The following SPATA13 variants were observed in gnomAD, a reference collection of about 807,000 sequenced individuals.
SPATA13 encodes spermatogenesis-associated protein 13.
In SPATA13, 50 loss-of-function variants were observed where a neutral mutation model predicts 104.0. That is an observed-to-expected ratio of 0.48 (90% CI 0.38 to 0.61). The LOEUF (loss-of-function observed/expected upper bound fraction) is 0.61, where lower values mean the gene tolerates loss of function less well. Ranked by LOEUF, SPATA13 falls within the 20% of genes least tolerant of loss-of-function variation. SPATA13 has a pLI of 0.00. For synonymous variants in SPATA13, 606 were observed against 667.5 expected (o/e 0.91, Z 1.42); for missense variants, 1,524 against 1,690.6 (o/e 0.90, Z 1.73).
chr13:24,157,456 G>A (rs1202774357), upstream of SPATA13, among the ~76,000 whole-genome samples: 8 of 152,164 alleles, frequency 5.3e-5, no homozygotes, highest in East Asian at 9.7e-4. Flanking sequence ...CCGCCACCAC[G>A]CCCGGCTAAT....
At chr13:24,163,557 A>G (rs1435581872) in intron 1 of SPATA13, among the ~76,000 whole-genome samples, 1 of 152,152 alleles carries the variant, frequency 6.6e-6, no homozygotes, top group Non-Finnish European at 1.5e-5. Context: ...TCATTATGTA[A>G]TCTTAAAGCC....
intron 1 of SPATA13, among the ~76,000 whole-genome samples, chr13:24,202,972 T>C (rs1380325208): frequency 2.0e-5 from 3 of 151,738 alleles, no homozygotes; most frequent in Non-Finnish European, 2.9e-5. Flanking sequence ...ATTTTTTTTT[T>C]CCCTCAAGTT....
intron 3 of SPATA13, among the ~76,000 whole-genome samples, chr13:24,046,400 C>A (rs1878145886): frequency 6.6e-6 from 1 of 151,102 alleles, no homozygotes; most frequent in Admixed American, 6.6e-5. Context: ...TTCAAATGAT[C>A]CTCCTATCTC....
At chr13:24,220,934 C>T (rs910583607) in intron 1 of SPATA13, among the ~76,000 whole-genome samples, 10 of 152,324 alleles carry the variant, frequency 6.6e-5, no homozygotes, top group South Asian at 4.1e-4. Context: ...GATAGGGATA[C>T]GCTAAATTGG....
intron 3 of SPATA13, among the ~76,000 whole-genome samples, chr13:24,079,632 A>C (rs980779530): frequency 6.6e-6 from 1 of 152,118 alleles, no homozygotes; most frequent in African/African-American, 2.4e-5. Context: ...TTTCCTGCCA[A>C]GTATGGGGTC....
At chr13:24,056,460 A>T (rs112455758) in intron 3 of SPATA13, among the ~76,000 whole-genome samples, 1 of 152,202 alleles carries the variant, frequency 6.6e-6, no homozygotes, top group African/African-American at 2.4e-5. Flanking sequence ...GATGGATTAG[A>T]TGCTCACCTT....
chr13:24,269,322 A>C (rs1354787551), intron 4 of SPATA13, among the ~76,000 whole-genome samples: 1 of 152,186 alleles, frequency 6.6e-6, no homozygotes, highest in Admixed American at 6.5e-5. Flanking sequence ...ACTATAAAGC[A>C]TGCATTTTAC....
chr13:24,286,535 G>C lies in SPATA13; in HGVS notation c.2481+142G>C. ...AGTCACACCTGTAAGAAATTAGGCTGGGTCGGAGCAAAAATGTTAAAGGCA... is the reference window on the plus strand; with the variant it reads ...AGTCACACCTGTAAGAAATTAGGCTCGGTCGGAGCAAAAATGTTAAAGGCA... On this transcript the variant is annotated intron_variant, in intron 6 of 12. Coordinates refer to ENST00000382108, the MANE Select transcript of SPATA13 (RefSeq NM_001166271.3). The surrounding 1 kb of genome is among the most constrained non-coding windows in gnomAD (Gnocchi z 4.9). 9.8e-7 allele frequency: 1 copy of C among 1,022,516 alleles called. No homozygotes were observed. Among genetic ancestry groups the C allele is most frequent in the South Asian group, 1.7e-5 (1 of 57,946 alleles). 63.3% of individuals were successfully genotyped at this position (1,022,516 alleles called of 1,614,324 possible).
rs1357331506 is a variant in SPATA13 at position 24,032,384 on chromosome 13, G to A, written c.-112+14683G>A. Among the ~76,000 whole-genome samples the A allele has an allele frequency of 2.0e-5, 3 of 152,322 alleles. No individual in the cohort carries two copies. In the East Asian group the frequency reaches 5.8e-4, roughly 29 times the overall value. ...ATTCTTTCTCACTGTGATGTAACAA[G>A]TGTCATGGGAATATTTCTTCTTAAA... is the stretch of plus-strand genomic sequence containing the variant. On this transcript the variant is annotated intron_variant, in intron 3 of 14. Coordinates refer to the SPATA13 transcript ENST00000424834.
chr13:23,984,375 A>C (rs1875050229), intron 2 of SPATA13, among the ~76,000 whole-genome samples: 1 of 152,088 alleles, frequency 6.6e-6, no homozygotes, highest in Non-Finnish European at 1.5e-5. Context: ...AAAGGGAGGG[A>C]GAGTAGTCTT....
Position 24,160,769 on chromosome 13 carries a change from G to C in SPATA13, c.-275G>C, listed in dbSNP as rs1033050556. On this transcript the variant is annotated 5_prime_UTR_variant, in exon 1 of 13. Coordinates refer to ENST00000382108, the MANE Select transcript of SPATA13 (RefSeq NM_001166271.3). ...GAGAGTGTGCGTTGCGCTTTCTCCC[G>C]CGATCGCCCTGCCGGTCGCTAGCTC... The C allele has an allele frequency of 5.1e-6, 5 of 985,312 alleles. No individual in the cohort carries two copies. The African/African-American group carries it at 8.7e-5, about 17-fold the overall frequency. 61.0% of individuals were successfully genotyped at this position (985,312 alleles called of 1,614,324 possible). A position where few individuals can be genotyped will look rare whatever the true frequency, so the allele number is the denominator to read the frequency against.
chr13:24,025,043 A>G (rs1165962363), intron 3 of SPATA13, among the ~76,000 whole-genome samples: 1 of 151,532 alleles, frequency 6.6e-6, no homozygotes, highest in African/African-American at 2.4e-5. Flanking sequence ...TATTATAAAA[A>G]TCTAAAGTTC....
intron 2 of SPATA13, among the ~76,000 whole-genome samples, chr13:24,012,314 G>C (rs1053184231): frequency 3.3e-5 from 5 of 152,230 alleles, no homozygotes; most frequent in Non-Finnish European, 7.3e-5. Flanking sequence ...GCATAGGGCA[G>C]CTCACAGATG....
At chr13:24,294,934 G>A (rs1206769918) in intron 10 of SPATA13, 66 bp downstream of exon 10, 2 of 1,518,936 alleles carry the variant, frequency 1.3e-6, no homozygotes, top group Middle Eastern at 2.1e-4. Flanking sequence ...ATCTGGTGCA[G>A]ATGCACTTTA....
rs532784401 is a variant in SPATA13, at chr13:24,131,439, G to A, written c.-111-91380G>A. Among the ~76,000 whole-genome samples, 212 of 152,212 alleles carry A rather than the reference G, an allele frequency of 1.4e-3. 2 individuals are homozygous for A. The highest frequency in any genetic ancestry group is 4.8e-3 in the African/African-American group (198 of 41,526). The stretch of plus-strand genomic sequence containing the variant: ...ACTTACCTGACCTGGGCACTGAAGC[G>A]CCTTATCTTGTTTACCTCAGAATCC... On this transcript the variant is annotated intron_variant, in intron 3 of 14. Transcript: ENST00000424834.
At chr13:24,278,243 A>T (rs1274243991) in intron 4 of SPATA13, among the ~76,000 whole-genome samples, 3 of 152,130 alleles carry the variant, frequency 2.0e-5, no homozygotes, top group African/African-American at 7.2e-5. Flanking sequence ...AGTGGGTAAG[A>T]GTTAGATGGC....
chr13:24,171,799 G>T (rs555653558), intron 1 of SPATA13, among the ~76,000 whole-genome samples: 1 of 152,188 alleles, frequency 6.6e-6, no homozygotes, highest in Non-Finnish European at 1.5e-5. Context: ...CTGGAGGAAC[G>T]TTGGGAAAGT....
chr13:24,277,376 G>A (rs1173080414), intron 4 of SPATA13, among the ~76,000 whole-genome samples: 7 of 150,982 alleles, frequency 4.6e-5, no homozygotes, highest in Non-Finnish European at 8.8e-5. Context: ...CCTAGGAGGC[G>A]GAGCTTGCAG....
intron 5 of SPATA13, among the ~76,000 whole-genome samples, chr13:24,285,484 T>A (rs1044230574): frequency 3.3e-5 from 5 of 152,128 alleles, no homozygotes; most frequent in South Asian, 4.1e-4. Flanking sequence ...AGTACTTTTT[T>A]AAAAAGGGGC....
Sources: allele counts gnomAD v4.1 joint callset (sites outside exome capture counted in the v4.1 genomes callset), GRCh38; gene constraint gnomAD v4.1.1; non-coding constraint Gnocchi (gnomAD v3.1); transcripts MANE v1.5; gene names NCBI Gene and HGNC (gene_info 2026-07-23, HGNC 2026-07-21).